Variants in ATXN1 observed in about 807,000 individuals in gnomAD.
The protein encoded by ATXN1 is ataxin-1.
A neutral mutation model predicts 56.4 loss-of-function variants in ATXN1; 8 were observed. That is an observed-to-expected ratio of 0.14 (90% CI 0.08 to 0.26). ATXN1 has a LOEUF of 0.26. Ranked by LOEUF, ATXN1 falls within the 10% of genes least tolerant of loss-of-function variation. ATXN1 has a pLI of 1.00. For synonymous variants in ATXN1, 514 were observed against 494.6 expected (o/e 1.04, Z -0.52); for missense variants, 987 against 1,106.5 (o/e 0.89, Z 1.53).
intron 3 of ATXN1, among the ~76,000 whole-genome samples, chr6:16,641,918 C>A (rs1763713338): frequency 6.6e-6 from 1 of 152,088 alleles, no homozygotes; most frequent in South Asian, 2.1e-4. Flanking sequence ...GATTCCAACC[C>A]CCATGGATGA....
At chr6:16,733,456 G>C (rs535077807) in intron 2 of ATXN1, among the ~76,000 whole-genome samples, 2 of 152,148 alleles carry the variant, frequency 1.3e-5, no homozygotes, top group Admixed American at 6.5e-5. Flanking sequence ...CCAGCTAATC[G>C]GGAGGCTGAG....
intron 2 of ATXN1, among the ~76,000 whole-genome samples, chr6:16,724,392 A>T (rs1759805805): frequency 6.6e-6 from 1 of 152,034 alleles, no homozygotes; most frequent in Non-Finnish European, 1.5e-5. Flanking sequence ...ATGTATGGTC[A>T]TGGAAGAGCT....
chr6:16,347,843 C>G (rs538569915), intron 6 of ATXN1, among the ~76,000 whole-genome samples: 1 of 152,172 alleles, frequency 6.6e-6, no homozygotes, highest in East Asian at 1.9e-4. Flanking sequence ...CAGTGGTAAC[C>G]TTCTCCGATC....
chr6:16,636,078 C>T (rs1763592202), intron 3 of ATXN1, among the ~76,000 whole-genome samples: 1 of 152,176 alleles, frequency 6.6e-6, no homozygotes, highest in Admixed American at 6.5e-5. Flanking sequence ...ACCTGTGTTC[C>T]TGACCACCCT....
chr6:16,489,882 C>T (rs926698169), intron 5 of ATXN1, among the ~76,000 whole-genome samples: 7 of 152,026 alleles, frequency 4.6e-5, no homozygotes, highest in African/African-American at 1.7e-4. Flanking sequence ...ATGCTAAGAC[C>T]CATCTGTAGA....
intron 3 of ATXN1, among the ~76,000 whole-genome samples, chr6:16,592,178 C>G (rs190838289): frequency 3.0e-4 from 45 of 152,238 alleles, no homozygotes; most frequent in African/African-American, 1.0e-3. Flanking sequence ...GCTCTGCCCC[C>G]CTCCCAGTAC....
chr6:16,571,775 A>C (rs1159571988), intron 4 of ATXN1, among the ~76,000 whole-genome samples: 5 of 152,050 alleles, frequency 3.3e-5, no homozygotes. Flanking sequence ...ATCCTCCTAC[A>C]TAAGCCTCCC....
chr6:16,681,016 T>C (rs768602361), intron 2 of ATXN1, among the ~76,000 whole-genome samples: 2 of 152,042 alleles, frequency 1.3e-5, no homozygotes, highest in Non-Finnish European at 2.9e-5. Flanking sequence ...AGACCAAAAA[T>C]TGTGTGTGGT....
chr6:16,588,556 G>C (rs926710899), intron 3 of ATXN1, among the ~76,000 whole-genome samples: 6 of 152,114 alleles, frequency 3.9e-5, no homozygotes, highest in African/African-American at 1.4e-4. Context: ...CACCTCCTAG[G>C]ACACACTTGT....
At chr6:16,585,443 C>A (rs543033687) in intron 4 of ATXN1, among the ~76,000 whole-genome samples, 2 of 152,150 alleles carry the variant, frequency 1.3e-5, no homozygotes, top group African/African-American at 4.8e-5. Context: ...ATCTCTACTA[C>A]TTCTACAATC....
chr6:16,491,200 C>T (rs1760652557), intron 5 of ATXN1, among the ~76,000 whole-genome samples: 1 of 139,392 alleles, frequency 7.2e-6, no homozygotes, highest in Admixed American at 7.7e-5. Context: ...TCAAGCAATA[C>T]TCCTGACTCA....
chr6:16,393,912 T>C (rs201679314), intron 6 of ATXN1, among the ~76,000 whole-genome samples: 1 of 151,480 alleles, frequency 6.6e-6, no homozygotes, highest in Non-Finnish European at 1.5e-5. Context: ...CCTTTTTTTT[T>C]TTTTTTTTGT....
intron 2 of ATXN1, among the ~76,000 whole-genome samples, chr6:16,694,866 G>A (rs1028913505): frequency 6.6e-6 from 1 of 152,140 alleles, no homozygotes; most frequent in Non-Finnish European, 1.5e-5. Context: ...AAGTGGAGTC[G>A]AACTCTCCCT....
intron 6 of ATXN1, among the ~76,000 whole-genome samples, chr6:16,438,345 G>A (rs1040361117): frequency 6.6e-6 from 1 of 152,164 alleles, no homozygotes; most frequent in Non-Finnish European, 1.5e-5. Context: ...AATGGACTCT[G>A]TTGACTTTTT....
In ATXN1 at chr6:16,306,899, G is replaced by A. The variant is rs1345206112; in HGVS notation, c.1918-40C>T. On this transcript the variant is annotated intron_variant, in intron 7 of 7. Transcript: ENST00000436367. The surrounding 1 kb of genome is among the most constrained non-coding windows in gnomAD (Gnocchi z 5.2). The stretch of plus-strand genomic sequence containing the variant: ...AGAGACAGAGAGAGGAAGAAGGAAG[G>A]GAACAAATGAAAACATTTTATTCTT... 2 of 1,544,194 alleles carry A rather than the reference G, an allele frequency of 1.3e-6. No homozygotes were observed.
At chr6:16,695,610 T>C (rs1378561898) in intron 2 of ATXN1, among the ~76,000 whole-genome samples, 1 of 152,220 alleles carries the variant, frequency 6.6e-6, no homozygotes, top group African/African-American at 2.4e-5. Context: ...AACAGGCCTG[T>C]CTTTCCTCCT....
chr6:16,444,843 C>T (rs1267598710), intron 6 of ATXN1, among the ~76,000 whole-genome samples: 1 of 152,168 alleles, frequency 6.6e-6, no homozygotes, highest in Non-Finnish European at 1.5e-5. Context: ...ATACACAACA[C>T]AACACCAACT....
Position 16,302,406 on chromosome 6 carries a change from C to T in ATXN1, c.*3923G>A, listed in dbSNP as rs1760129901. On this transcript the variant is annotated 3_prime_UTR_variant, in exon 8 of 8. Transcript: ENST00000436367. ...AGAAATCAAATCATCCCAAACTAAA[C>T]TGGGTGAGTTAGGGAAAACGAAAAG... 6.6e-6 allele frequency: 1 copy of T among 152,604 alleles called. No individual in the cohort carries two copies. Among genetic ancestry groups the T allele is most frequent in the Non-Finnish European group, 1.5e-5 (1 of 68,028 alleles). 9.5% of individuals were successfully genotyped at this position (152,604 alleles called of 1,614,324 possible).
At chr6:16,467,450 C>T (rs1349014247) in intron 6 of ATXN1, among the ~76,000 whole-genome samples, 2 of 152,164 alleles carry the variant, frequency 1.3e-5, no homozygotes, top group African/African-American at 4.8e-5. Context: ...TTTTATTTGT[C>T]AAAACTACTG....
Sources: allele counts gnomAD v4.1 joint callset (sites outside exome capture counted in the v4.1 genomes callset), GRCh38; gene constraint gnomAD v4.1.1; non-coding constraint Gnocchi (gnomAD v3.1); transcripts MANE v1.5; gene names NCBI Gene and HGNC (gene_info 2026-07-23, HGNC 2026-07-21).